Variants in CORO2B observed in about 807,000 individuals in gnomAD.
CORO2B encodes the protein coronin 2B, also known as coronin-2B.
Under a neutral mutation model 58.8 loss-of-function variants are expected in CORO2B, and 26 were observed. The ratio of observed to expected loss-of-function variants is 0.44; its 90% CI spans 0.32 to 0.61. The LOEUF (loss-of-function observed/expected upper bound fraction) is 0.61. CORO2B is among the 20% of genes least tolerant of loss of function. The pLI, the probability that CORO2B is intolerant of heterozygous loss-of-function variation, is 0.04. For missense variants in CORO2B, 460 were observed against 645.1 expected (o/e 0.71, Z 3.11); for synonymous variants, 242 against 253.8 (o/e 0.95, Z 0.44).
intron 2 of CORO2B, among the ~76,000 whole-genome samples, chr15:68,661,725 G>A (rs1416362511): frequency 6.6e-6 from 1 of 152,152 alleles, no homozygotes; most frequent in Non-Finnish European, 1.5e-5. Context: ...ACCTGTTCAG[G>A]GCCTGGCGTG....
intron 3 of CORO2B, among the ~76,000 whole-genome samples, chr15:68,708,170 C>T (rs1892825646): frequency 6.6e-6 from 1 of 152,100 alleles, no homozygotes; most frequent in Non-Finnish European, 1.5e-5. Flanking sequence ...TACCTTGAAA[C>T]CTCCCAGTCA....
intron 1 of CORO2B, among the ~76,000 whole-genome samples, chr15:68,587,049 TACAC>T (rs58729813): frequency 0.039 from 2,232 of 57,842 alleles, 64 homozygotes; most frequent in African/African-American, 0.086. Flanking sequence ...GAGATATGTA[TACAC>T]ACACACACAC....
the CORO2B span, among the ~76,000 whole-genome samples, chr15:68,550,168 AC>A: frequency 2.6e-5 from 4 of 151,790 alleles, no homozygotes; most frequent in Non-Finnish European, 5.9e-5. Context: ...CTAAGGAGAA[AC>A]CCGCTTGCCT....
chr15:68,528,829 A>G, the CORO2B span, among the ~76,000 whole-genome samples: 1 of 152,040 alleles, frequency 6.6e-6, no homozygotes, highest in African/African-American at 2.4e-5. Flanking sequence ...TTCTTCAAGG[A>G]ATATGTGGTG....
chr15:68,531,562 A>AAGAAAGAGAAAG, the CORO2B span, among the ~76,000 whole-genome samples: 1 of 136,212 alleles, frequency 7.3e-6, no homozygotes. Context: ...GAAGGAAAGA[A>AAGAAAGAGAAAG]AGAGAAAGAA....
Position 68,645,124 on chromosome 15 carries a change from C to A in CORO2B, c.16-36C>A. 6.2e-7 allele frequency: 1 copy of A among 1,604,904 alleles called. No homozygotes were observed. Among genetic ancestry groups the A allele is most frequent in the Middle Eastern group, 1.7e-4 (1 of 6,030 alleles). On this transcript the variant is annotated intron_variant, in intron 1 of 11. Transcript: ENST00000261861. This position sits in a 1 kb window ranked among gnomAD's most constrained non-coding sequence, Gnocchi z 4.5. ...AGCCGAGGCCCTTCATGGCACAGGG[C>A]CCAGCCTGACCCTTGTCTCTCCTGG...
chr15:68,537,114 G>A, the CORO2B span, among the ~76,000 whole-genome samples: 144,087 of 152,136 alleles, frequency 0.95, 68,328 homozygotes, highest in East Asian at 1. Context: ...AGAACAATAG[G>A]TGATTCTGAA....
the CORO2B span, among the ~76,000 whole-genome samples, chr15:68,550,507 A>G: frequency 6.6e-6 from 1 of 152,208 alleles, no homozygotes; most frequent in Admixed American, 6.5e-5. Flanking sequence ...ATAAAATTGA[A>G]CCACGATAGC....
chr15:68,562,870 G>A, the CORO2B span, among the ~76,000 whole-genome samples: 4 of 151,892 alleles, frequency 2.6e-5, no homozygotes, highest in East Asian at 1.9e-4. Flanking sequence ...CCAGCTACTC[G>A]GGAGGCTGAG....
chr15:68,638,141 G>A (rs1901092372), intron 1 of CORO2B, among the ~76,000 whole-genome samples: 1 of 152,276 alleles, frequency 6.6e-6, no homozygotes, highest in Non-Finnish European at 1.5e-5. Flanking sequence ...CTGCCAGGGA[G>A]CAGGCCCAGC....
At chr15:68,652,464 G>A (rs1901672856) in intron 2 of CORO2B, among the ~76,000 whole-genome samples, 1 of 152,180 alleles carries the variant, frequency 6.6e-6, no homozygotes, top group Non-Finnish European at 1.5e-5. Flanking sequence ...GCCACCTCCA[G>A]ATCCAGGCCA....
At chr15:68,715,766 C>T (rs953359306) in intron 8 of CORO2B, among the ~76,000 whole-genome samples, 1 of 152,210 alleles carries the variant, frequency 6.6e-6, no homozygotes, top group Non-Finnish European at 1.5e-5. Flanking sequence ...CAGCCCCAAG[C>T]TCCCTAGGCT....
the CORO2B span, among the ~76,000 whole-genome samples, chr15:68,547,942 G>A: frequency 3.3e-5 from 5 of 152,166 alleles, no homozygotes; most frequent in East Asian, 1.9e-4. Context: ...AGGTTGAGGC[G>A]GGTGGATCAC....
At position 68,710,842 on chromosome 15, in the gene CORO2B, C is replaced by G. The variant is rs1428584372; in HGVS notation, c.444C>G (p.Thr148=). 3 of 1,610,910 alleles carry G rather than the reference C, an allele frequency of 1.9e-6. No individual in the cohort carries two copies. The highest frequency in any genetic ancestry group is 2.2e-5 in the East Asian group (1 of 44,806). The change falls in exon 4 of 12, where the codon ACC becomes ACG. Residue 148 remains threonine (T), a synonymous_variant. Coordinates refer to ENST00000261861, the MANE Select transcript of CORO2B (RefSeq NM_006091.5). The surrounding 1 kb of genome is among the most constrained non-coding windows in gnomAD (Gnocchi z 4.1). The stretch of plus-strand genomic sequence containing the variant: ...TGGGGCTGGTCGAGTGGCACCCCAC[C>G]ACCAACAACATCCTGTTCAGCGCTG... ...RRVGLVEWHP[T]TNNILFSAGY...
the CORO2B span, among the ~76,000 whole-genome samples, chr15:68,556,800 C>T: frequency 1.3e-5 from 2 of 152,200 alleles, no homozygotes; most frequent in East Asian, 1.9e-4. Context: ...CCCAAGCCCA[C>T]GTGACCTTGT....
chr15:68,630,917 A>C (rs1052079536), intron 1 of CORO2B, among the ~76,000 whole-genome samples: 4 of 152,138 alleles, frequency 2.6e-5, no homozygotes, highest in African/African-American at 9.7e-5. Context: ...CCAAGAAAGA[A>C]CTTTTCTTAT....
intron 1 of CORO2B, chr15:68,631,890 T>C: frequency 2.1e-6 from 2 of 960,824 alleles, no homozygotes; most frequent in African/African-American, 1.8e-5. Flanking sequence ...TCGCAGTCAG[T>C]GTAAATAGGC....
At chr15:68,574,799 G>C (rs1256156087), upstream of CORO2B, among the ~76,000 whole-genome samples, 1 of 152,146 alleles carries the variant, frequency 6.6e-6, no homozygotes, top group South Asian at 2.1e-4. Flanking sequence ...TGGATACAGC[G>C]CCAGGAGAGC....
At chr15:68,523,882 T>C in the CORO2B span, among the ~76,000 whole-genome samples, 1 of 152,168 alleles carries the variant, frequency 6.6e-6, no homozygotes, top group Non-Finnish European at 1.5e-5. Context: ...GCCCCTTAAA[T>C]AGTGGTTGCC....
Sources: gnomAD v4.1 joint callset for allele counts (sites outside exome capture counted in the v4.1 genomes callset) on GRCh38, gnomAD v4.1.1 for gene constraint, Gnocchi (gnomAD v3.1) non-coding constraint, MANE v1.5 for transcripts, NCBI Gene and HGNC (gene_info 2026-07-23, HGNC 2026-07-21) for gene names.